The following ITGB3 variants were observed in gnomAD, a reference collection of about 807,000 sequenced individuals.
ITGB3 encodes the protein integrin subunit beta 3.
A neutral mutation model predicts 85.8 loss-of-function variants in ITGB3; 48 were observed. The ratio of observed to expected loss-of-function variants is 0.56; its 90% CI spans 0.44 to 0.71. The LOEUF (loss-of-function observed/expected upper bound fraction) is 0.71. Ranked by LOEUF, ITGB3 falls within the 30% of genes least tolerant of loss-of-function variation. The pLI, the probability that ITGB3 is intolerant of heterozygous loss-of-function variation, is 0.00. For missense variants in ITGB3, 861 were observed against 1,019.1 expected (o/e 0.84, Z 2.11); for synonymous variants, 363 against 395.6 (o/e 0.92, Z 0.98).
intron 13 of ITGB3, chr17:47,303,310 G>T: frequency 6.2e-6 from 1 of 162,268 alleles, no homozygotes; most frequent in South Asian, 1.7e-4. Context: ...ACCGTCATCT[G>T]GGTGAAGGGC....
intron 14 of ITGB3, among the ~76,000 whole-genome samples, chr17:47,309,251 C>T (rs1341017649): frequency 6.6e-6 from 1 of 151,804 alleles, no homozygotes; most frequent in African/African-American, 2.4e-5. Context: ...CAGGGTCTCA[C>T]TCTGTTACCC....
chr17:47,269,864 A>C (rs1227583549), intron 1 of ITGB3, among the ~76,000 whole-genome samples: 1 of 152,228 alleles, frequency 6.6e-6, no homozygotes, highest in Non-Finnish European at 1.5e-5. Flanking sequence ...CACTGCTAAT[A>C]AAGACATACC....
chr17:47,304,206 G>A (rs2065178498), intron 13 of ITGB3, among the ~76,000 whole-genome samples: 1 of 152,084 alleles, frequency 6.6e-6, no homozygotes, highest in African/African-American at 2.4e-5. Flanking sequence ...CATTTCCTAT[G>A]TTGTTGCTCT....
chr17:47,307,906 C>T (rs1025730262), intron 14 of ITGB3, among the ~76,000 whole-genome samples: 4 of 152,274 alleles, frequency 2.6e-5, no homozygotes, highest in African/African-American at 9.6e-5. Context: ...TGGCGCGTGC[C>T]TGTAATCCCA....
At chr17:47,254,298 C>T (rs1161254244) in intron 1 of ITGB3, among the ~76,000 whole-genome samples, 3 of 152,076 alleles carry the variant, frequency 2.0e-5, no homozygotes, top group Non-Finnish European at 4.4e-5. Context: ...CCAAGGACGA[C>T]TGGCCCAGGA....
intron 1 of ITGB3, among the ~76,000 whole-genome samples, chr17:47,254,966 T>TTATTA (rs2064983343): frequency 6.9e-6 from 1 of 145,424 alleles, no homozygotes; most frequent in Admixed American, 6.7e-5. Flanking sequence ...TTATTTTATT[T>TTATTA]TATTATTTAT....
rs75427428 is a variant in ITGB3, at chr17:47,274,439, C to A, written c.100C>A (p.Arg34=). Reference sequence around the variant, plus strand: ...TGCAGGGCCCAACATCTGTACCACGCGAGGTGTGAGCTCCTGCCAGCAGTG... The same window carrying A: ...TGCAGGGCCCAACATCTGTACCACGAGAGGTGTGAGCTCCTGCCAGCAGTG... The part of the protein sequence containing the change: ...GVGGPNICTT[R]GVSSCQQCLA... Residue 34 remains arginine (R), a synonymous_variant, in exon 2 of 15, where the codon CGA becomes AGA. Transcript: ENST00000559488. 6.2e-7 allele frequency: 1 copy of A among 1,613,452 alleles called. No individual in the cohort carries two copies. The highest frequency in any genetic ancestry group is 1.1e-5 in the South Asian group (1 of 91,064).
At chr17:47,288,007 C>T (rs1165696710) in intron 6 of ITGB3, among the ~76,000 whole-genome samples, 3 of 127,886 alleles carry the variant, frequency 2.3e-5, no homozygotes, top group Non-Finnish European at 3.3e-5. Flanking sequence ...TCACAAGCTT[C>T]ACCACCTCAG....
At chr17:47,289,822 G>C in intron 7 of ITGB3, 46 bp downstream of exon 7, 1 of 1,378,542 alleles carries the variant, frequency 7.3e-7, no homozygotes, top group Non-Finnish European at 1.0e-6. Context: ...GTGATGGTGG[G>C]TGCCCCAGGT....
chr17:47,272,683 T>TC (rs1448723038), intron 1 of ITGB3, among the ~76,000 whole-genome samples: 9 of 143,374 alleles, frequency 6.3e-5, no homozygotes, highest in Non-Finnish European at 1.1e-4. Context: ...CTTTCTTTTT[T>TC]TTTCTTTCTT....
chr17:47,293,675 A>G (rs2065135754), intron 10 of ITGB3, among the ~76,000 whole-genome samples: 1 of 151,192 alleles, frequency 6.6e-6, no homozygotes, highest in Non-Finnish European at 1.5e-5. Context: ...GTGGTGCGAT[A>G]TTGGCTCACT....
intron 14 of ITGB3, among the ~76,000 whole-genome samples, chr17:47,309,248 T>G (rs2065203519): frequency 6.6e-6 from 1 of 151,892 alleles, no homozygotes; most frequent in Admixed American, 6.6e-5. Flanking sequence ...AGACAGGGTC[T>G]CACTCTGTTA....
chr17:47,291,226 T>G, intron 9 of ITGB3, 138 bp downstream of exon 9: 1 of 968,438 alleles, frequency 1.0e-6, no homozygotes, highest in Non-Finnish European at 1.6e-6. Context: ...TTCCTGAAAG[T>G]CATTCTAAGT....
At position 47,299,271 on chromosome 17, in the gene ITGB3, G is replaced by A. The variant is rs571727512; in HGVS notation, c.1691-37G>A. Reference sequence around the variant, plus strand: ...CTGCTGCCATGGGAGTGGAGCTCTCGCCAGCGGGTCCACCTTCCTGGGCTG... The same window carrying A: ...CTGCTGCCATGGGAGTGGAGCTCTCACCAGCGGGTCCACCTTCCTGGGCTG... On this transcript the variant is annotated intron_variant, in intron 10 of 14. Transcript: ENST00000559488. This position sits in a 1 kb window ranked among gnomAD's most constrained non-coding sequence, Gnocchi z 5.1. The A allele has an allele frequency of 8.1e-6, 13 of 1,596,484 alleles. No homozygotes were observed. Among genetic ancestry groups the A allele is most frequent in the Admixed American group, 6.7e-5 (4 of 59,996 alleles).
chr17:47,270,836 C>T (rs546903426), intron 1 of ITGB3, among the ~76,000 whole-genome samples: 12 of 152,232 alleles, frequency 7.9e-5, no homozygotes, highest in South Asian at 4.2e-4. Flanking sequence ...TCAAGGATTC[C>T]GCATATAATC....
chr17:47,313,407 C>T lies in ITGB3; in HGVS notation c.*3203C>T, dbSNP rs143090841. On this transcript the variant is annotated 3_prime_UTR_variant, in exon 15 of 15. Transcript: ENST00000559488. Reference sequence around the variant, plus strand: ...TATCACCCAGGCTGGAGTGCAGTGGCACGATCTCTGCTCACTGCAAGCTTC... The same window carrying T: ...TATCACCCAGGCTGGAGTGCAGTGGTACGATCTCTGCTCACTGCAAGCTTC... 0.044 allele frequency among the ~76,000 whole-genome samples: 6,244 copies of T among 142,392 alleles called. 191 individuals are homozygous for T. The highest frequency in any genetic ancestry group is 0.18 in the Middle Eastern group (45 of 248). 93.4% of individuals were successfully genotyped at this position (142,392 alleles called of 152,430 possible).
intron 1 of ITGB3, among the ~76,000 whole-genome samples, chr17:47,270,729 A>G (rs1351000119): frequency 6.6e-6 from 1 of 152,180 alleles, no homozygotes; most frequent in Non-Finnish European, 1.5e-5. Context: ...ATGGGCTCAT[A>G]AAGGCATCCC....
chr17:47,290,967 A>G lies in ITGB3; in HGVS notation c.1139A>G (p.Lys380Arg). Residue 380 changes from lysine to arginine, a missense_variant, in exon 9 of 15, where the codon AAA (lysine) becomes AGA (arginine). Transcript: ENST00000559488. ...IVDAYGKIRS[K>R]VELEVRDLPE... Reference sequence around the variant, plus strand: ...CTTTCTGCTCAGAAAATCCGTTCTAAAGTAGAGCTGGAAGTGCGTGACCTC... The same window carrying G: ...CTTTCTGCTCAGAAAATCCGTTCTAGAGTAGAGCTGGAAGTGCGTGACCTC... 6.2e-7 allele frequency: 1 copy of G among 1,614,074 alleles called. No homozygotes were observed. Among genetic ancestry groups the G allele is most frequent in the Non-Finnish European group, 8.5e-7 (1 of 1,180,024 alleles).
At chr17:47,287,008 C>T (rs1255534340) in intron 5 of ITGB3, 62 bp from the exon 6 acceptor site, 143 of 1,563,804 alleles carry the variant, frequency 9.1e-5, no homozygotes, top group Non-Finnish European at 1.2e-4. Context: ...CTGTTCTCTA[C>T]CAGTGACATG....
Sources: allele counts gnomAD v4.1 joint callset (sites outside exome capture counted in the v4.1 genomes callset), GRCh38; gene constraint gnomAD v4.1.1; non-coding constraint Gnocchi (gnomAD v3.1); transcripts MANE v1.5; gene names NCBI Gene and HGNC (gene_info 2026-07-23, HGNC 2026-07-21).